The following RFX4 variants were observed in gnomAD, a reference collection of about 807,000 sequenced individuals.
The protein encoded by RFX4 is transcription factor RFX4.
Under a neutral mutation model 95.0 loss-of-function variants are expected in RFX4, and 10 were observed. The ratio of observed to expected loss-of-function variants is 0.11; its 90% CI spans 0.06 to 0.18. The LOEUF is 0.18. RFX4 is among the 10% of genes least tolerant of loss of function. RFX4 has a pLI of 1.00. For missense variants in RFX4, 640 were observed against 922.0 expected (o/e 0.69, Z 3.96); for synonymous variants, 321 against 340.7 (o/e 0.94, Z 0.64).
At chr12:106,752,078 G>A (rs61943296) in intron 17 of RFX4, among the ~76,000 whole-genome samples, 3,044 of 101,848 alleles carry the variant, frequency 0.03, no homozygotes, top group African/African-American at 0.057. Context: ...TAGGTCTAAC[G>A]TTTAAGTCTT....
rs376430436 is a variant in RFX4 at position 106,585,627 on chromosome 12, G to C, written c.43+2264G>C. The C allele has an allele frequency of 1.3e-4, 20 of 152,328 alleles. No homozygotes were observed. In the East Asian group the frequency reaches 3.5e-3, roughly 26 times the overall value. 9.4% of individuals were successfully genotyped at this position (152,328 alleles called of 1,614,324 possible). ...TCTGAGTTTCCCTTGTTATGTAAAG[G>C]GTCTTTTCTCCTGGCTTGCAGAGAC... On this transcript the variant is annotated intron_variant, in intron 1 of 17. Transcript: ENST00000392842.
At chr12:106,658,596 C>T (rs1246919732) in intron 4 of RFX4, among the ~76,000 whole-genome samples, 1 of 152,086 alleles carries the variant, frequency 6.6e-6, no homozygotes, top group Non-Finnish European at 1.5e-5. Flanking sequence ...TCTGGCTCCT[C>T]CAGGGTTGGG....
intron 4 of RFX4, among the ~76,000 whole-genome samples, chr12:106,673,516 GAAGA>G (rs754553519): frequency 1.3e-5 from 2 of 152,216 alleles, no homozygotes; most frequent in Non-Finnish European, 2.9e-5. Context: ...TGCTCAAATG[GAAGA>G]AAGAGCAAAA....
chr12:106,724,961 C>T (rs1028997604), intron 13 of RFX4, among the ~76,000 whole-genome samples: 4 of 149,100 alleles, frequency 2.7e-5, no homozygotes, highest in Non-Finnish European at 4.4e-5. Flanking sequence ...TGCAGTGAGT[C>T]GAGATGGCAC....
At chr12:106,583,419 G>T in intron 1 of RFX4, 56 bp downstream of exon 1, 1 of 1,480,086 alleles carries the variant, frequency 6.8e-7, no homozygotes, top group Non-Finnish European at 9.0e-7. Context: ...AGAAGGGAGA[G>T]GGGGAACTTT....
At chr12:106,710,259 C>G (rs2042166576) in intron 9 of RFX4, among the ~76,000 whole-genome samples, 1 of 152,086 alleles carries the variant, frequency 6.6e-6, no homozygotes, top group African/African-American at 2.4e-5. Context: ...ATCAAATTAC[C>G]CTCTCTCCAC....
At position 106,746,095 on chromosome 12, in the gene RFX4, C is replaced by T. The variant is rs140129072; in HGVS notation, c.1634-1342C>T. 2.2e-4 allele frequency among the ~76,000 whole-genome samples: 33 copies of T among 152,134 alleles called. No individual in the cohort carries two copies. In the East Asian group the frequency reaches 6.2e-3, roughly 29 times the overall value. On this transcript the variant is annotated intron_variant, in intron 15 of 17. Transcript: ENST00000392842. ...TTTAAAGGCCAGGTGCGGTGGCTCA[C>T]GCCTGTAATCCCAGTACTTTGGGAG...
At chr12:106,692,828 A>T (rs1221548669) in intron 7 of RFX4, among the ~76,000 whole-genome samples, 1 of 152,148 alleles carries the variant, frequency 6.6e-6, no homozygotes, top group Non-Finnish European at 1.5e-5. Context: ...ATCTTATTTC[A>T]CCCTAATAGT....
intron 13 of RFX4, among the ~76,000 whole-genome samples, chr12:106,724,102 CAAT>C (rs1458697198): frequency 6.6e-6 from 1 of 152,122 alleles, no homozygotes; most frequent in Non-Finnish European, 1.5e-5. Context: ...TTACTGCCCT[CAAT>C]ATGACAGACC....
At chr12:106,654,114 T>C (rs1451550569) in intron 3 of RFX4, 114 bp from the exon 4 acceptor site, 1 of 1,422,906 alleles carries the variant, frequency 7.0e-7, no homozygotes, top group Admixed American at 1.8e-5. Context: ...TCTCCACCTG[T>C]AGAAAGAACG....
intron 3 of RFX4, among the ~76,000 whole-genome samples, chr12:106,649,104 A>T (rs1351435006): frequency 6.6e-6 from 1 of 152,120 alleles, no homozygotes; most frequent in African/African-American, 2.4e-5. Flanking sequence ...TGTGATCATT[A>T]AAAAAAACCC....
chr12:106,666,813 G>A (rs1421309527), intron 4 of RFX4, among the ~76,000 whole-genome samples: 1 of 152,200 alleles, frequency 6.6e-6, no homozygotes, highest in Non-Finnish European at 1.5e-5. Flanking sequence ...CTTGCAGGCT[G>A]TCTAATCTAT....
At chr12:106,593,559 T>C (rs1163637985) in intron 1 of RFX4, among the ~76,000 whole-genome samples, 1 of 152,234 alleles carries the variant, frequency 6.6e-6, no homozygotes, top group Non-Finnish European at 1.5e-5. Context: ...ATCTAATTTT[T>C]GAGACACAAA....
intron 4 of RFX4, among the ~76,000 whole-genome samples, chr12:106,660,698 G>T (rs2041053562): frequency 6.6e-6 from 1 of 152,092 alleles, no homozygotes; most frequent in African/African-American, 2.4e-5. Flanking sequence ...CTAGTCTGTG[G>T]TCTGTTAGGA....
rs140144898 is a variant in RFX4 at position 106,718,346 on chromosome 12, A to T, written c.1139-1614A>T. Among the ~76,000 whole-genome samples, 3 of 152,236 alleles carry T rather than the reference A, an allele frequency of 2.0e-5. No individual in the cohort carries two copies. In the South Asian group the frequency reaches 6.2e-4, roughly 31 times the overall value. On this transcript the variant is annotated intron_variant, in intron 11 of 17. Transcript: ENST00000392842. ...GTGCCACATGCTTGGTACACAGTCT[A>T]GTGTTAGCATAGTGAAGTGGTTAGG...
intron 5 of RFX4, chr12:106,683,141 T>A (rs2041556150): frequency 6.6e-6 from 1 of 152,156 alleles, no homozygotes. Flanking sequence ...ATAGGACTTT[T>A]AAGACTTGTC....
chr12:106,705,664 T>C (rs1464315662), intron 8 of RFX4, among the ~76,000 whole-genome samples: 1 of 151,976 alleles, frequency 6.6e-6, no homozygotes, highest in Non-Finnish European at 1.5e-5. Flanking sequence ...GGGCCTGAAG[T>C]GTTGGAGAAA....
chr12:106,700,052 G>T (rs1447912923), intron 8 of RFX4, among the ~76,000 whole-genome samples: 1 of 151,814 alleles, frequency 6.6e-6, no homozygotes, highest in Admixed American at 6.6e-5. Context: ...CTGAGACAGG[G>T]TCTTACTCTG....
intron 3 of RFX4, among the ~76,000 whole-genome samples, chr12:106,644,370 AT>A: frequency 6.6e-6 from 1 of 151,280 alleles, no homozygotes; most frequent in East Asian, 2.0e-4. Flanking sequence ...AGAAGCTGGG[AT>A]TACAGGCGCG....
Sources: gnomAD v4.1 joint callset for allele counts (sites outside exome capture counted in the v4.1 genomes callset) on GRCh38, gnomAD v4.1.1 for gene constraint, MANE v1.5 for transcripts, NCBI Gene and HGNC (gene_info 2026-07-23, HGNC 2026-07-21) for gene names.